PUM3: variants seen among roughly 807,000 people sequenced by gnomAD.
PUM3 encodes pumilio RNA binding family member 3, also known as pumilio homolog 3.
PUM3 carries 91 observed loss-of-function variants against 84.0 expected under a neutral mutation model. That is an observed-to-expected ratio of 1.08 (90% CI 0.91 to 1.29). The LOEUF (loss-of-function observed/expected upper bound fraction) is 1.29. Ranked by LOEUF, PUM3 falls within the 50% of genes most tolerant of loss-of-function variation. The pLI is 0.00. For synonymous variants in PUM3, 321 were observed against 266.7 expected, an observed-to-expected ratio of 1.20 and a Z score of -1.98; for missense variants, 1,067 against 767.5, an observed-to-expected ratio of 1.39 and a Z score of -4.61.
In PUM3 at chr9:2,828,816, A is replaced by T. The variant is rs185183188; in HGVS notation, c.853-38T>A. 5.0e-3 allele frequency: 5,787 copies of T among 1,149,102 alleles called. 23 individuals carry two copies. The highest frequency in any genetic ancestry group is 6.6e-3 in the Non-Finnish European group (5,118 of 770,610). The allele number at this position is 1,149,102 out of a possible 1,614,324, so 71.2% of individuals were successfully genotyped here. A position where few individuals can be genotyped will look rare whatever the true frequency, so the allele number is the denominator to read the frequency against. On this transcript the variant is annotated intron_variant, in intron 8 of 17. Transcript: ENST00000397885. The stretch of plus-strand genomic sequence containing the variant: ...AAAACAATCAAACCCCTCTAAATTT[A>T]ATCAATTTTTTCACTTCAGGAAAAA...
At chr9:2,836,968 G>A (rs1816138474) in intron 3 of PUM3, among the ~76,000 whole-genome samples, 1 of 152,120 alleles carries the variant, frequency 6.6e-6, no homozygotes, top group Non-Finnish European at 1.5e-5. Context: ...CCATGGCTAA[G>A]GTAATTCAGA....
At chr9:2,815,581 C>A (rs1371773937) in intron 13 of PUM3, among the ~76,000 whole-genome samples, 1 of 152,198 alleles carries the variant, frequency 6.6e-6, no homozygotes, top group Admixed American at 6.5e-5. Context: ...AAATGATACA[C>A]CTGCCTAACT....
chr9:2,815,998 A>G (rs1821460176), intron 13 of PUM3, among the ~76,000 whole-genome samples: 1 of 152,202 alleles, frequency 6.6e-6, no homozygotes, highest in Admixed American at 6.5e-5. Context: ...TGTTTTGCCA[A>G]TGCGCTTTTA....
chr9:2,830,904 G>T, intron 7 of PUM3, 58 bp downstream of exon 7: 1 of 877,800 alleles, frequency 1.1e-6, no homozygotes, highest in African/African-American at 1.7e-5. Flanking sequence ...GAGCACAGTT[G>T]GAAACCATGT....
At chr9:2,825,769 C>T (rs530347561) in intron 10 of PUM3, among the ~76,000 whole-genome samples, 4 of 152,094 alleles carry the variant, frequency 2.6e-5, no homozygotes, top group Non-Finnish European at 5.9e-5. Flanking sequence ...TGTGAGCCAC[C>T]GTGCCTGGCC....
intron 8 of PUM3, among the ~76,000 whole-genome samples, chr9:2,828,998 A>C (rs1294130099): frequency 6.6e-6 from 1 of 152,230 alleles, no homozygotes; most frequent in African/African-American, 2.4e-5. Context: ...AGGCCAACCA[A>C]GTTAACCAGC....
chr9:2,817,969 A>G (rs575719223), intron 13 of PUM3, among the ~76,000 whole-genome samples: 1 of 152,284 alleles, frequency 6.6e-6, no homozygotes, highest in South Asian at 2.1e-4. Context: ...ATGAAACTTT[A>G]TGTTTATTTA....
chr9:2,805,047 A>T (rs1359660787), intron 17 of PUM3, among the ~76,000 whole-genome samples: 1 of 152,172 alleles, frequency 6.6e-6, no homozygotes, highest in Non-Finnish European at 1.5e-5. Context: ...TCTACCACTC[A>T]GTAACTGTAC....
At chr9:2,843,605 G>A (rs1465961270) in intron 1 of PUM3, among the ~76,000 whole-genome samples, 2 of 137,254 alleles carry the variant, frequency 1.5e-5, no homozygotes, top group Non-Finnish European at 3.1e-5. Context: ...TTGAGACGGA[G>A]TCTTGCTCTG....
At chr9:2,812,135 G>A in intron 14 of PUM3, 85 bp downstream of exon 14, 2 of 1,152,288 alleles carry the variant, frequency 1.7e-6, no homozygotes, top group East Asian at 4.7e-5. Flanking sequence ...GAGAGGGTAT[G>A]GATGGGTAAG....
At position 2,812,228 on chromosome 9, in the gene PUM3, A is replaced by C. The variant is rs1190035611; in HGVS notation, c.1404T>G (p.Asn468Lys). ...IIEVLQKGDG[N>K]AHSKKDTEVR... ...ATTCTACTTGGTTTTACCTGTGTGC[A>C]TTTCCATCTCCTTTTTGCAGAACTT... The change falls in exon 14 of 18, where the codon AAT (asparagine) becomes AAG (lysine). Residue 468 changes from asparagine to lysine, a missense_variant. Transcript: ENST00000397885. 1.2e-6 allele frequency: 2 copies of C among 1,613,762 alleles called. No individual in the cohort carries two copies. The highest frequency in any genetic ancestry group is 1.1e-5 in the South Asian group (1 of 91,046).
chr9:2,819,607 ATAATT>A (rs764682709), intron 13 of PUM3, among the ~76,000 whole-genome samples: 2 of 152,196 alleles, frequency 1.3e-5, no homozygotes, highest in Non-Finnish European at 2.9e-5. Context: ...AGGGAGAGAG[ATAATT>A]TAATAGGTCA....
At chr9:2,823,009 T>C (rs1424679170) in intron 12 of PUM3, among the ~76,000 whole-genome samples, 1 of 151,754 alleles carries the variant, frequency 6.6e-6, no homozygotes. Flanking sequence ...TCTCACTGGA[T>C]GTTTTCAAAG....
intron 13 of PUM3, among the ~76,000 whole-genome samples, chr9:2,818,324 G>A (rs1178151475): frequency 6.6e-6 from 1 of 152,224 alleles, no homozygotes; most frequent in African/African-American, 2.4e-5. Context: ...AAGTCGTTAA[G>A]AATGTGGGTT....
chr9:2,810,201 A>C lies in PUM3; in HGVS notation c.1723+143T>G. On this transcript the variant is annotated intron_variant, in intron 16 of 17. Transcript: ENST00000397885. The stretch of plus-strand genomic sequence containing the variant: ...GAAAAAGCATTACCAGCAACCACTG[A>C]ATCATTTCTTATTCACAGACACCAT... The C allele has an allele frequency of 8.0e-6, 5 of 628,016 alleles. No individual in the cohort carries two copies. In the South Asian group the frequency reaches 9.1e-5, roughly 11 times the overall value. The allele number at this position is 628,016 out of a possible 1,614,324, so 38.9% of individuals were successfully genotyped here.
chr9:2,827,105 A>C lies in PUM3; in HGVS notation c.1003T>G (p.Phe335Val), dbSNP rs1050647317. The stretch of plus-strand genomic sequence containing the variant: ...AGTTTGGGGGGTGCATAGGTAAAAA[A>C]GTCCAAGAATACTTTATGCACCAAT... ...HSLVHKVFLD[F>V]FTYAPPKLRS... Residue 335 changes from phenylalanine to valine, a missense_variant, in exon 10 of 18, where the codon TTT becomes GTT. Phe to Val is a conservative substitution (Grantham distance 50, BLOSUM62 -1). Transcript: ENST00000397885. 1.9e-6 allele frequency: 3 copies of C among 1,610,190 alleles called. No homozygotes were observed. Among genetic ancestry groups the C allele is most frequent in the African/African-American group, 1.3e-5 (1 of 74,738 alleles).
At chr9:2,823,675 A>C (rs562657047) in intron 12 of PUM3, 106 bp downstream of exon 12, 21 of 508,664 alleles carry the variant, frequency 4.1e-5, no homozygotes, top group East Asian at 2.0e-4. Context: ...ATAAAACAAT[A>C]ATTTTCTGCT....
At chr9:2,829,707 C>T (rs1815919447) in intron 8 of PUM3, 67 bp downstream of exon 8, 3 of 1,332,682 alleles carry the variant, frequency 2.3e-6, no homozygotes, top group Non-Finnish European at 3.1e-6. Context: ...ATATATAGGG[C>T]ACCGGAAGTT....
At chr9:2,828,549 A>G in intron 9 of PUM3, 126 bp downstream of exon 9, 1 of 609,334 alleles carries the variant, frequency 1.6e-6, no homozygotes, top group Non-Finnish European at 2.9e-6. Flanking sequence ...ACACTTTTGC[A>G]CTCTTATTTA....
Sources: gnomAD v4.1 joint callset for allele counts (sites outside exome capture counted in the v4.1 genomes callset) on GRCh38, gnomAD v4.1.1 for gene constraint, MANE v1.5 for transcripts, NCBI Gene and HGNC (gene_info 2026-07-23, HGNC 2026-07-21) for gene names.